Variants in SLC13A1 observed in about 807,000 individuals in gnomAD.
SLC13A1 encodes the protein solute carrier family 13 member 1, also known as Na(+)/sulfate cotransporter.
In SLC13A1, 65 loss-of-function variants were observed where a neutral mutation model predicts 70.0. The ratio of observed to expected loss-of-function variants is 0.93; its 90% confidence interval spans 0.76 to 1.14. The LOEUF is 1.14. Ranked by LOEUF, SLC13A1 falls within the 50% of genes most tolerant of loss-of-function variation. SLC13A1 has a pLI of 0.00. For synonymous variants in SLC13A1, 275 were observed against 250.5 expected (o/e 1.10, Z -0.92); for missense variants, 726 against 717.8 (o/e 1.01, Z -0.13).
intron 3 of SLC13A1, 32 bp downstream of exon 3, chr7:123,171,736 G>T: frequency 6.2e-7 from 1 of 1,610,684 alleles, no homozygotes. Context: ...CTGTTCAGCA[G>T]GTAAACTGGA....
chr7:123,178,278 G>A (rs1795522340), intron 2 of SLC13A1, among the ~76,000 whole-genome samples: 1 of 151,980 alleles, frequency 6.6e-6, no homozygotes, highest in Non-Finnish European at 1.5e-5. Context: ...TTAATAAACA[G>A]GTAAAGTTAT....
chr7:123,117,224 G>A (rs947751013), intron 14 of SLC13A1, among the ~76,000 whole-genome samples: 10 of 151,998 alleles, frequency 6.6e-5, no homozygotes, highest in Non-Finnish European at 8.8e-5. Context: ...CTTTTCCTTC[G>A]TCCAAAGCAT....
At chr7:123,145,061 A>G (rs1276611034) in intron 7 of SLC13A1, among the ~76,000 whole-genome samples, 1 of 152,180 alleles carries the variant, frequency 6.6e-6, no homozygotes, top group Admixed American at 6.5e-5. Context: ...TCCTCAAAAT[A>G]TTAACTATTT....
intron 4 of SLC13A1, 69 bp from the exon 5 acceptor site, chr7:123,168,630 A>G: frequency 9.0e-7 from 1 of 1,111,474 alleles, no homozygotes; most frequent in Non-Finnish European, 1.3e-6. Context: ...CTGTGTGTGG[A>G]TGCGAAGATG....
At chr7:123,199,017 G>A (rs527469745) in intron 1 of SLC13A1, among the ~76,000 whole-genome samples, 1 of 152,252 alleles carries the variant, frequency 6.6e-6, no homozygotes, top group Non-Finnish European at 1.5e-5. Context: ...GAGACATTAA[G>A]TAGCATGCCC....
At chr7:123,124,689 CTGTG>C (rs143632506) in intron 11 of SLC13A1, among the ~76,000 whole-genome samples, 1 of 150,126 alleles carries the variant, frequency 6.7e-6, no homozygotes, top group Non-Finnish European at 1.5e-5. Flanking sequence ...GTGTGTGTGT[CTGTG>C]TGTGTGTGTG....
intron 6 of SLC13A1, among the ~76,000 whole-genome samples, chr7:123,160,684 A>C (rs1267760299): frequency 6.6e-6 from 1 of 152,190 alleles, no homozygotes; most frequent in African/African-American, 2.4e-5. Context: ...ATAGCTGACT[A>C]TGTGCTAGTC....
intron 6 of SLC13A1, chr7:123,148,673 GTAGT>G: frequency 3.5e-6 from 1 of 289,722 alleles, no homozygotes; most frequent in South Asian, 2.8e-5. Context: ...CTTCATTTCA[GTAGT>G]TAAACAGTGC....
intron 6 of SLC13A1, among the ~76,000 whole-genome samples, chr7:123,158,731 C>A (rs1303678805): frequency 6.6e-6 from 1 of 151,632 alleles, no homozygotes; most frequent in Non-Finnish European, 1.5e-5. Context: ...TGACTGATAG[C>A]TAGCTGACTT....
intron 6 of SLC13A1, among the ~76,000 whole-genome samples, chr7:123,150,075 A>G (rs1168161655): frequency 6.6e-6 from 1 of 152,150 alleles, no homozygotes; most frequent in African/African-American, 2.4e-5. Flanking sequence ...AGCAGATGGG[A>G]TCATTCATGA....
At chr7:123,181,778 T>C (rs1042285404) in intron 1 of SLC13A1, among the ~76,000 whole-genome samples, 1 of 152,166 alleles carries the variant, frequency 6.6e-6, no homozygotes, top group Non-Finnish European at 1.5e-5. Context: ...TAGATAACTT[T>C]GGTATGAAAT....
intron 13 of SLC13A1, 54 bp from the exon 14 acceptor site, chr7:123,117,662 AC>A: frequency 1.6e-6 from 2 of 1,255,742 alleles, no homozygotes; most frequent in Admixed American, 2.3e-5. Context: ...TAGACACGAA[AC>A]ATAAAAAAAA....
At chr7:123,153,386 G>T (rs182250618) in intron 6 of SLC13A1, among the ~76,000 whole-genome samples, 84 of 152,160 alleles carry the variant, frequency 5.5e-4, no homozygotes, top group Admixed American at 1.2e-3. Flanking sequence ...CAAATTAAAG[G>T]TTAAGAGGAG....
intron 1 of SLC13A1, among the ~76,000 whole-genome samples, chr7:123,187,998 C>T (rs1428210895): frequency 6.6e-6 from 1 of 152,132 alleles, no homozygotes; most frequent in Non-Finnish European, 1.5e-5. Context: ...CTAGATATTG[C>T]CCATTTGCTA....
intron 14 of SLC13A1, among the ~76,000 whole-genome samples, chr7:123,116,770 C>T (rs922695318): frequency 1.3e-5 from 2 of 152,098 alleles, no homozygotes; most frequent in Admixed American, 6.5e-5. Context: ...TATCTTGGAA[C>T]TGTATTTGCA....
Position 123,181,071 on chromosome 7 carries a change from C to A in SLC13A1, c.130G>T (p.Val44Phe), listed in dbSNP as rs28364177. The A allele has an allele frequency of 8.7e-6, 14 of 1,612,528 alleles. No homozygotes were observed. The highest frequency in any genetic ancestry group is 1.2e-5 in the Non-Finnish European group (14 of 1,179,062). ...EAECAYTLFVVATFWLTEALP... is the reference protein window; with the variant it reads ...EAECAYTLFVFATFWLTEALP... ...GCTTCTGTGAGCCAAAATGTGGCGACCACAAAGAGTGTGTAGGCACATTCT... is the reference window on the plus strand; with the variant it reads ...GCTTCTGTGAGCCAAAATGTGGCGAACACAAAGAGTGTGTAGGCACATTCT... The change falls in exon 2 of 15, where the codon GTC (valine) becomes TTC (phenylalanine). Residue 44 changes from valine to phenylalanine, a missense_variant. By Grantham distance (50) the Val-to-Phe change is conservative. Coordinates refer to ENST00000194130, the MANE Select transcript of SLC13A1 (RefSeq NM_022444.4).
chr7:123,169,112 A>T (rs1563343791), intron 4 of SLC13A1, 36 bp downstream of exon 4: 1 of 1,598,012 alleles, frequency 6.3e-7, no homozygotes, highest in Admixed American at 1.7e-5. Flanking sequence ...TGCTCTAATG[A>T]CTAGACCCCA....
chr7:123,148,853 C>T (rs1302866494), intron 6 of SLC13A1, among the ~76,000 whole-genome samples: 25 of 152,014 alleles, frequency 1.6e-4, no homozygotes, highest in Non-Finnish European at 1.5e-5. Context: ...GTTTTTAAAC[C>T]TTCAACATTT....
chr7:123,134,374 C>A (rs374169267), intron 8 of SLC13A1, 36 bp downstream of exon 8: 6 of 1,599,668 alleles, frequency 3.8e-6, no homozygotes, highest in African/African-American at 2.7e-5. Flanking sequence ...ACCTAGACAC[C>A]TTTATTTAGC....
Sources: allele counts gnomAD v4.1 joint callset (sites outside exome capture counted in the v4.1 genomes callset), GRCh38; gene constraint gnomAD v4.1.1; transcripts MANE v1.5; gene names NCBI Gene and HGNC (gene_info 2026-07-23, HGNC 2026-07-21).